The following GALNT7 variants were observed in gnomAD, a reference collection of about 807,000 sequenced individuals.
The protein encoded by GALNT7 is N-acetylgalactosaminyltransferase 7.
In GALNT7, 60 loss-of-function variants were observed where a neutral mutation model predicts 82.1. The observed-to-expected ratio is 0.73, with a 90% CI of 0.59 to 0.91. The LOEUF is 0.91. Ranked by LOEUF, GALNT7 falls within the 40% of genes least tolerant of loss-of-function variation. The pLI is 0.00. For synonymous variants in GALNT7, 243 were observed against 275.1 expected (o/e 0.88, Z 1.15); for missense variants, 660 against 804.2 (o/e 0.82, Z 2.17).
chr4:173,247,629 A>C (rs1734691065), intron 1 of GALNT7, among the ~76,000 whole-genome samples: 2 of 152,190 alleles, frequency 1.3e-5, no homozygotes, highest in African/African-American at 4.8e-5. Flanking sequence ...AACATGACCT[A>C]TTAAGCATCT....
At chr4:173,198,422 A>G (rs1486334599) in intron 1 of GALNT7, among the ~76,000 whole-genome samples, 4 of 152,026 alleles carry the variant, frequency 2.6e-5, no homozygotes, top group Admixed American at 6.5e-5. Flanking sequence ...TCTTAAAGCA[A>G]TGTCAACAGC....
Position 173,228,652 on chromosome 4 carries a change from A to G in GALNT7, c.127-19328A>G, listed in dbSNP as rs535550697. Among the ~76,000 whole-genome samples, 8 of 152,310 alleles carry G rather than the reference A, an allele frequency of 5.3e-5. No individual in the cohort carries two copies. The South Asian group carries it at 1.7e-3, about 32-fold the overall frequency. On this transcript the variant is annotated intron_variant, in intron 1 of 11. Coordinates refer to ENST00000265000, the MANE Select transcript of GALNT7 (RefSeq NM_017423.3). The stretch of plus-strand genomic sequence containing the variant: ...AGTCAGGAGGAATGAATGCTTTTAA[A>G]GATTTTGATACTCACAGCCAGATGG...
chr4:173,170,911 C>A (rs1487934272), intron 1 of GALNT7, among the ~76,000 whole-genome samples: 1 of 152,108 alleles, frequency 6.6e-6, no homozygotes, highest in Non-Finnish European at 1.5e-5. Flanking sequence ...GGCCATAATG[C>A]CCATTTCAGT....
intron 4 of GALNT7, 87 bp downstream of exon 4, chr4:173,295,613 A>T: frequency 7.3e-7 from 1 of 1,365,278 alleles, no homozygotes; most frequent in Non-Finnish European, 1.0e-6. Flanking sequence ...CAGTTTTTTT[A>T]ATTGAAATGA....
chr4:173,229,923 A>C (rs1387200422), intron 1 of GALNT7, among the ~76,000 whole-genome samples: 1 of 151,878 alleles, frequency 6.6e-6, no homozygotes, highest in African/African-American at 2.4e-5. Context: ...CAATGCTTTG[A>C]CTGACACATT....
At chr4:173,176,956 A>T (rs1225457018) in intron 1 of GALNT7, among the ~76,000 whole-genome samples, 4 of 152,236 alleles carry the variant, frequency 2.6e-5, no homozygotes, top group African/African-American at 9.6e-5. Flanking sequence ...ACTAAGGAGA[A>T]GGACCTAGAA....
At chr4:173,235,288 C>T (rs1312817743) in intron 1 of GALNT7, among the ~76,000 whole-genome samples, 1 of 152,166 alleles carries the variant, frequency 6.6e-6, no homozygotes, top group African/African-American at 2.4e-5. Context: ...AGATGAAGTC[C>T]AGATGCATTA....
intron 1 of GALNT7, among the ~76,000 whole-genome samples, chr4:173,203,670 C>T (rs1315735509): frequency 6.6e-6 from 1 of 152,152 alleles, no homozygotes; most frequent in African/African-American, 2.4e-5. Flanking sequence ...TTATATACAA[C>T]ATCATCTAGT....
At chr4:173,265,431 C>G (rs544746841) in intron 2 of GALNT7, among the ~76,000 whole-genome samples, 67 of 152,124 alleles carry the variant, frequency 4.4e-4, no homozygotes, top group Non-Finnish European at 8.2e-4. Context: ...ATTTTTTGTT[C>G]TAAAAGCTTA....
chr4:173,269,579 C>T (rs749494610), intron 2 of GALNT7, among the ~76,000 whole-genome samples: 5 of 152,124 alleles, frequency 3.3e-5, no homozygotes, highest in African/African-American at 9.7e-5. Context: ...CTTATGACCA[C>T]GTAAATGTGA....
chr4:173,272,669 T>C (rs1351046485), intron 2 of GALNT7, among the ~76,000 whole-genome samples: 2 of 152,240 alleles, frequency 1.3e-5, no homozygotes, highest in Non-Finnish European at 2.9e-5. Context: ...CCGCAATAAT[T>C]TTTTGAAATA....
intron 1 of GALNT7, among the ~76,000 whole-genome samples, chr4:173,221,714 A>T (rs1561159806): frequency 6.6e-6 from 1 of 152,240 alleles, no homozygotes; most frequent in Non-Finnish European, 1.5e-5. Flanking sequence ...ACTTTCTTTG[A>T]GAAAGTTAAA....
chr4:173,225,386 T>C (rs1733792423), intron 1 of GALNT7, among the ~76,000 whole-genome samples: 1 of 152,222 alleles, frequency 6.6e-6, no homozygotes, highest in African/African-American at 2.4e-5. Context: ...GAAGATGGTA[T>C]AGGGAGCTTA....
chr4:173,251,353 T>A (rs1374270786), intron 2 of GALNT7, among the ~76,000 whole-genome samples: 2 of 152,330 alleles, frequency 1.3e-5, no homozygotes, highest in East Asian at 3.9e-4. Flanking sequence ...CTACAAAAAG[T>A]CTTTTATTAG....
chr4:173,311,649 G>A (rs908500826), intron 8 of GALNT7, among the ~76,000 whole-genome samples: 4 of 152,114 alleles, frequency 2.6e-5, no homozygotes. Flanking sequence ...CATGGGGGTG[G>A]GGGGTGGACT....
At chr4:173,321,246 C>G (rs1223241359) in intron 11 of GALNT7, among the ~76,000 whole-genome samples, 4 of 152,024 alleles carry the variant, frequency 2.6e-5, no homozygotes, top group African/African-American at 9.7e-5. Flanking sequence ...GCAGTATTTC[C>G]TAAGGACTAG....
chr4:173,273,507 C>A (rs1266359831), intron 2 of GALNT7, among the ~76,000 whole-genome samples: 1 of 152,184 alleles, frequency 6.6e-6, no homozygotes, highest in African/African-American at 2.4e-5. Flanking sequence ...TTCTTCTGAA[C>A]AACTGGTTTG....
At chr4:173,187,850 T>C (rs1732505777) in intron 1 of GALNT7, among the ~76,000 whole-genome samples, 1 of 152,208 alleles carries the variant, frequency 6.6e-6, no homozygotes, top group East Asian at 1.9e-4. Flanking sequence ...CTTTTCTTTC[T>C]CCTGATGCAA....
In GALNT7 at chr4:173,292,129, T is replaced by G; in HGVS notation, c.609T>G (p.Asp203Glu). The G allele has an allele frequency of 6.2e-7, 1 of 1,608,198 alleles. No individual in the cohort carries two copies. Among genetic ancestry groups the G allele is most frequent in the Non-Finnish European group, 8.5e-7 (1 of 1,177,288 alleles). ...RQEECKYWHY[D>E]ENLLTSSVVI... ...ACAGATGCAAGTATTGGCATTATGA[T>G]GAAAACTTGCTCACTTCGAGCGTTG... is the stretch of plus-strand genomic sequence containing the variant. The change falls in exon 3 of 12, where the codon GAT becomes GAG. Residue 203 changes from aspartate to glutamate, a missense_variant. Coordinates refer to ENST00000265000, the MANE Select transcript of GALNT7 (RefSeq NM_017423.3). This position sits in a 1 kb window ranked among gnomAD's most constrained non-coding sequence, Gnocchi z 4.8.
Sources: gnomAD v4.1 joint callset for allele counts (sites outside exome capture counted in the v4.1 genomes callset) on GRCh38, gnomAD v4.1.1 for gene constraint, Gnocchi (gnomAD v3.1) non-coding constraint, MANE v1.5 for transcripts, NCBI Gene and HGNC (gene_info 2026-07-23, HGNC 2026-07-21) for gene names.